ZNF365: variants seen among roughly 807,000 people sequenced by gnomAD.
The protein encoded by ZNF365 is zinc finger protein 365, also known as protein ZNF365.
Under a neutral mutation model 35.0 loss-of-function variants are expected in ZNF365, and 22 were observed. The observed-to-expected ratio is 0.63, with a 90% CI of 0.45 to 0.90. The LOEUF is 0.90. Among genes scored for constraint, ZNF365 ranks in the 40% least tolerant of loss-of-function variants. ZNF365 has a pLI of 0.00. For synonymous variants in ZNF365, 188 were observed against 196.2 expected, an observed-to-expected ratio of 0.96 and a Z score of 0.35; for missense variants, 448 against 500.3, an observed-to-expected ratio of 0.90 and a Z score of 1.00.
chr10:62,456,073 T>C lies in ZNF365; in HGVS notation c.925-3668T>C, dbSNP rs139994761. Reference sequence around the variant, plus strand: ...TGGTGATGGACAGATTCAATATCTGTTCAATCTAGTACAGTAGCCACTAGC... The same window carrying C: ...TGGTGATGGACAGATTCAATATCTGCTCAATCTAGTACAGTAGCCACTAGC... On this transcript the variant is annotated intron_variant, in intron 3 of 4. Coordinates refer to the ZNF365 transcript ENST00000395255. Among the ~76,000 whole-genome samples, 132 of 152,304 alleles carry C rather than the reference T, an allele frequency of 8.7e-4. 2 individuals carry two copies. The East Asian group carries it at 0.023, about 27-fold the overall frequency.
At chr10:62,382,788 A>G (rs929908728) in intron 2 of ZNF365, among the ~76,000 whole-genome samples, 15 of 151,998 alleles carry the variant, frequency 9.9e-5, no homozygotes, top group African/African-American at 3.4e-4. Flanking sequence ...CTGCTTTGGG[A>G]TTTGCCTTGT....
intron 4 of ZNF365, among the ~76,000 whole-genome samples, chr10:62,464,625 C>G (rs989407101): frequency 1.3e-5 from 2 of 152,198 alleles, no homozygotes; most frequent in African/African-American, 4.8e-5. Context: ...TAGCTTTATT[C>G]CTCCTTTCTT....
rs766965580 is a variant in ZNF365, at chr10:62,399,691, C to T, written c.1126C>T (p.Pro376Ser). The T allele has an allele frequency of 1.9e-6, 3 of 1,614,142 alleles. No individual in the cohort carries two copies. The Admixed American group carries it at 5.0e-5, about 27-fold the overall frequency. The change falls in exon 5 of 5, where the codon CCT becomes TCT. Residue 376 changes from proline (P) to serine (S), a missense_variant. Physicochemically the swap from Pro to Ser is moderately conservative, Grantham distance 74. Transcript: ENST00000395254. ...QAESSRDLCR[P>S]PKKGELLGFG... is the part of the protein sequence containing the mutation. ...TGAGTCCTCAAGAGACCTCTGCAGA[C>T]CTCCAAAGAAAGGGGAGCTCCTGGG...
intron 3 of ZNF365, among the ~76,000 whole-genome samples, chr10:62,429,129 T>C (rs1376018611): frequency 2.6e-5 from 4 of 152,220 alleles, no homozygotes; most frequent in Non-Finnish European, 5.9e-5. Flanking sequence ...GACAGGGTTT[T>C]AGTTCTCCAT....
chr10:62,399,537 G>T lies in ZNF365; in HGVS notation c.972G>T (p.Gly324=). Residue 324 remains glycine (G), a synonymous_variant, in exon 5 of 5, where the codon GGG becomes GGT. Transcript: ENST00000395254. The stretch of plus-strand genomic sequence containing the variant: ...CTCCAACCCTCTGTAGAAGCCGAGG[G>T]CACCCGCATTCGGTATGTAACCACC... ...SNRKPKCLSR[G]HPHSVCNHPD... is the part of the protein sequence containing the mutation. 6.2e-7 allele frequency: 1 copy of T among 1,613,896 alleles called. No individual in the cohort carries two copies. Among genetic ancestry groups the T allele is most frequent in the South Asian group, 1.1e-5 (1 of 91,054 alleles).
intron 3 of ZNF365, among the ~76,000 whole-genome samples, chr10:62,449,606 A>G (rs1159725502): frequency 6.6e-6 from 1 of 152,208 alleles, no homozygotes; most frequent in African/African-American, 2.4e-5. Context: ...AATTAAAAAA[A>G]TTCTTCTGTA....
At chr10:62,431,245 A>T (rs891015746) in intron 3 of ZNF365, among the ~76,000 whole-genome samples, 6 of 152,198 alleles carry the variant, frequency 3.9e-5, no homozygotes, top group African/African-American at 1.4e-4. Flanking sequence ...CTACTTAAGA[A>T]ATTCTTATCA....
At chr10:62,428,776 G>A (rs576293698) in intron 3 of ZNF365, among the ~76,000 whole-genome samples, 1 of 152,260 alleles carries the variant, frequency 6.6e-6, no homozygotes, top group African/African-American at 2.4e-5. Context: ...CACTGAACGT[G>A]GCTTGTCACT....
At chr10:62,413,893 G>C (rs762736994) in intron 3 of ZNF365, among the ~76,000 whole-genome samples, 1 of 152,096 alleles carries the variant, frequency 6.6e-6, no homozygotes, top group Non-Finnish European at 1.5e-5. Context: ...AAATATGCCT[G>C]TAGATGACAC....
At chr10:62,425,213 G>A (rs921493711) in intron 3 of ZNF365, among the ~76,000 whole-genome samples, 4 of 152,058 alleles carry the variant, frequency 2.6e-5, no homozygotes, top group African/African-American at 9.7e-5. Context: ...TCATGGAGTG[G>A]AGATAACCTT....
intron 4 of ZNF365, among the ~76,000 whole-genome samples, chr10:62,475,969 G>C (rs937926860): frequency 1.3e-5 from 2 of 152,132 alleles, no homozygotes; most frequent in African/African-American, 2.4e-5. Context: ...GGATCTTATT[G>C]AATCTCCTGC....
At chr10:62,406,083 G>C (rs1839900408), downstream of ZNF365, among the ~76,000 whole-genome samples, 1 of 152,168 alleles carries the variant, frequency 6.6e-6, no homozygotes, top group Non-Finnish European at 1.5e-5. Flanking sequence ...GTTAGTTATT[G>C]GGACGAAGAT....
intron 3 of ZNF365, among the ~76,000 whole-genome samples, chr10:62,396,738 A>G (rs1012363777): frequency 6.6e-6 from 1 of 152,250 alleles, no homozygotes; most frequent in Admixed American, 6.5e-5. Context: ...ACAGAAACAT[A>G]CACACACATG....
chr10:62,382,873 G>A (rs558865095), intron 2 of ZNF365, among the ~76,000 whole-genome samples: 5 of 152,264 alleles, frequency 3.3e-5, no homozygotes, highest in East Asian at 1.9e-4. Context: ...TATTTTTACC[G>A]TTTCATATTC....
rs189922414 is a variant in ZNF365, at chr10:62,381,287, G to A, written c.743+4351G>A. On this transcript the variant is annotated intron_variant, in intron 2 of 4. Transcript: ENST00000395254. ...GTAGACCAGGTGATTTCTGATTTGA[G>A]AACCAGAAGGTTGCCCCTGTTTCCT... is the stretch of plus-strand genomic sequence containing the variant. Among the ~76,000 whole-genome samples the A allele has an allele frequency of 2.9e-3, 438 of 152,262 alleles. 1 individual carries two copies. The highest frequency in any genetic ancestry group is 4.5e-3 in the Non-Finnish European group (306 of 68,016).
chr10:62,464,649 A>C (rs976639590), intron 4 of ZNF365, among the ~76,000 whole-genome samples: 2 of 152,220 alleles, frequency 1.3e-5, no homozygotes, highest in African/African-American at 4.8e-5. Context: ...CTGGTGTTTG[A>C]CAGATATATT....
chr10:62,455,515 T>G (rs1429802167), intron 3 of ZNF365, among the ~76,000 whole-genome samples: 1 of 152,068 alleles, frequency 6.6e-6, no homozygotes, highest in Non-Finnish European at 1.5e-5. Context: ...TATAATCCCA[T>G]GAACTGGAGC....
At chr10:62,411,613 C>G (rs187406088) in intron 3 of ZNF365, among the ~76,000 whole-genome samples, 1 of 151,978 alleles carries the variant, frequency 6.6e-6, no homozygotes, top group African/African-American at 2.4e-5. Flanking sequence ...TTTCTGAGTT[C>G]TCTATTCTGT....
chr10:62,459,404 G>A (rs1350006843), intron 3 of ZNF365, among the ~76,000 whole-genome samples: 1 of 152,222 alleles, frequency 6.6e-6, no homozygotes, highest in African/African-American at 2.4e-5. Context: ...CAGATCATCA[G>A]GGGGAGACGA....
Sources: gnomAD v4.1 joint callset for allele counts (sites outside exome capture counted in the v4.1 genomes callset) on GRCh38, gnomAD v4.1.1 for gene constraint, MANE v1.5 for transcripts, NCBI Gene and HGNC (gene_info 2026-07-23, HGNC 2026-07-21) for gene names.